The following ADAM18 variants were observed in gnomAD, a reference collection of about 807,000 sequenced individuals.
The protein encoded by ADAM18 is ADAM metallopeptidase domain 18.
Under a neutral mutation model 94.4 loss-of-function variants are expected in ADAM18, and 117 were observed. The observed-to-expected ratio is 1.24, with a 90% CI of 1.07 to 1.45. ADAM18 has a LOEUF of 1.45. Ranked by LOEUF, ADAM18 falls within the 40% of genes most tolerant of loss-of-function variation. The probability of loss-of-function intolerance (pLI) is 0.00; values close to 1 mark genes in which losing one functional copy is unlikely to be tolerated. For synonymous variants in ADAM18, 327 were observed against 291.6 expected (o/e 1.12, Z -1.24); for missense variants, 936 against 880.0 (o/e 1.06, Z -0.81).
At chr8:39,704,975 T>A (rs12548363) in intron 17 of ADAM18, among the ~76,000 whole-genome samples, 54,058 of 151,944 alleles carry the variant, frequency 0.36, 11,037 homozygotes, top group East Asian at 0.75. Context: ...GGAAAATATA[T>A]ATGTGAGAAA....
chr8:39,643,191 G>A (rs1224671718), intron 10 of ADAM18, among the ~76,000 whole-genome samples: 1 of 152,102 alleles, frequency 6.6e-6, no homozygotes, highest in African/African-American at 2.4e-5. Flanking sequence ...GGATGAGATT[G>A]TGGGGTTTCT....
intron 12 of ADAM18, among the ~76,000 whole-genome samples, chr8:39,648,983 ATTTGT>A (rs1820455971): frequency 6.6e-6 from 1 of 152,162 alleles, no homozygotes; most frequent in Non-Finnish European, 1.5e-5. Flanking sequence ...AATGACCAAA[ATTTGT>A]TTTATTTATT....
intron 3 of ADAM18, among the ~76,000 whole-genome samples, chr8:39,606,774 G>T (rs374391827): frequency 6.6e-6 from 1 of 152,048 alleles, no homozygotes; most frequent in African/African-American, 2.4e-5. Context: ...GGCTGAGTCC[G>T]AACAGAGAGT....
chr8:39,709,712 G>C (rs187297884), intron 18 of ADAM18, among the ~76,000 whole-genome samples: 1 of 152,184 alleles, frequency 6.6e-6, no homozygotes, highest in Non-Finnish European at 1.5e-5. Flanking sequence ...GTGGTAAATA[G>C]GTTTGGTGAT....
chr8:39,594,736 G>T (rs1818685916), intron 2 of ADAM18, among the ~76,000 whole-genome samples: 1 of 138,464 alleles, frequency 7.2e-6, no homozygotes. Flanking sequence ...TTACTTTCAA[G>T]ATTTTAAAAA....
chr8:39,689,377 G>T (rs909996725), intron 16 of ADAM18, among the ~76,000 whole-genome samples: 1 of 152,180 alleles, frequency 6.6e-6, no homozygotes, highest in Admixed American at 6.5e-5. Flanking sequence ...TGTGTGTGGT[G>T]TAAGGAAGCA....
chr8:39,637,044 T>C (rs1036351800), intron 7 of ADAM18, among the ~76,000 whole-genome samples: 28 of 143,978 alleles, frequency 1.9e-4, no homozygotes, highest in African/African-American at 7.1e-4. Context: ...TATATATATA[T>C]ATATATATAT....
In ADAM18 at chr8:39,611,076, G is replaced by A. The variant is rs112060665; in HGVS notation, c.522+370G>A. 1,197 of 1,008,058 alleles carry A rather than the reference G, an allele frequency of 1.2e-3. 6 individuals are homozygous for A. In the African/African-American group the frequency reaches 0.019, roughly 16 times the overall value. 62.4% of individuals were successfully genotyped at this position (1,008,058 alleles called of 1,614,324 possible). On this transcript the variant is annotated intron_variant, in intron 6 of 19. Transcript: ENST00000265707. ...TGAACATATCTTTCTAAAATGCACA[G>A]CCATTTGCATGTTGCCAGATGCTCT...
intron 16 of ADAM18, among the ~76,000 whole-genome samples, chr8:39,686,416 G>A (rs530286178): frequency 1.3e-4 from 20 of 152,304 alleles, no homozygotes; most frequent in Non-Finnish European, 2.1e-4. Context: ...GTACCTTACC[G>A]TGTCCTCGCA....
At chr8:39,702,974 T>C (rs1434282976) in intron 17 of ADAM18, among the ~76,000 whole-genome samples, 1 of 152,194 alleles carries the variant, frequency 6.6e-6, no homozygotes, top group Non-Finnish European at 1.5e-5. Flanking sequence ...GGACTCTTTT[T>C]TGCTTCCCAG....
rs1418154444 is a variant in ADAM18 at position 39,723,904 on chromosome 8, A to G, written c.2174A>G (p.Asn725Ser). The G allele has an allele frequency of 2.7e-6, 4 of 1,502,720 alleles. No individual in the cohort carries two copies. In the South Asian group the frequency reaches 4.0e-5, roughly 15 times the overall value. 93.1% of individuals were successfully genotyped at this position (1,502,720 alleles called of 1,614,324 possible). ...KSCNRENAEY[N>S]RNSSVVSESD... ...TGTAACAGAGAGAATGCAGAGTATA[A>G]TCGGTAAATATGATATAGAATCAAT... The change falls in exon 19 of 20, where the codon AAT (asparagine) becomes AGT (serine). Residue 725 changes from asparagine (N) to serine (S), a missense_variant. Transcript: ENST00000265707.
intron 17 of ADAM18, among the ~76,000 whole-genome samples, chr8:39,698,737 G>A (rs574176517): frequency 6.6e-6 from 1 of 151,930 alleles, no homozygotes; most frequent in Admixed American, 6.6e-5. Context: ...AATAGTGTGG[G>A]TCTGATTAGT....
At chr8:39,611,124 T>G (rs905456136) in intron 6 of ADAM18, 1 of 986,266 alleles carries the variant, frequency 1.0e-6, no homozygotes, top group African/African-American at 1.7e-5. Context: ...AGACTAGGTA[T>G]AGAATTCTTG....
At chr8:39,623,583 TG>T (rs1418129172) in intron 6 of ADAM18, among the ~76,000 whole-genome samples, 4 of 152,068 alleles carry the variant, frequency 2.6e-5, no homozygotes, top group East Asian at 1.9e-4. Context: ...ATTTTTTGTT[TG>T]TTTTTTTGTT....
intron 14 of ADAM18, among the ~76,000 whole-genome samples, chr8:39,671,193 A>G (rs774886146): frequency 2.0e-5 from 3 of 152,204 alleles, no homozygotes; most frequent in Non-Finnish European, 4.4e-5. Flanking sequence ...TTCAAATCCA[A>G]ATCACTCTCT....
intron 12 of ADAM18, among the ~76,000 whole-genome samples, chr8:39,652,146 T>C (rs975825037): frequency 1.3e-5 from 2 of 152,060 alleles, no homozygotes; most frequent in Non-Finnish European, 2.9e-5. Flanking sequence ...CTGGCAATGA[T>C]TCATAAATAT....
chr8:39,646,221 A>G (rs1820370203), intron 11 of ADAM18, among the ~76,000 whole-genome samples: 1 of 152,140 alleles, frequency 6.6e-6, no homozygotes, highest in African/African-American at 2.4e-5. Flanking sequence ...ATTGTCTAAC[A>G]TAGTGCTATA....
At chr8:39,614,057 G>A (rs1251859301) in intron 6 of ADAM18, among the ~76,000 whole-genome samples, 1 of 152,092 alleles carries the variant, frequency 6.6e-6, no homozygotes. Flanking sequence ...ACATATTTGA[G>A]GATATTTTTC....
chr8:39,687,133 C>T (rs1258749507), intron 16 of ADAM18, among the ~76,000 whole-genome samples: 1 of 152,066 alleles, frequency 6.6e-6, no homozygotes, highest in Non-Finnish European at 1.5e-5. Flanking sequence ...TTTCACATGC[C>T]CATGTGGCCT....
Sources: allele counts gnomAD v4.1 joint callset (sites outside exome capture counted in the v4.1 genomes callset), GRCh38; gene constraint gnomAD v4.1.1; transcripts MANE v1.5; gene names NCBI Gene and HGNC (gene_info 2026-07-23, HGNC 2026-07-21).